Variants in TADA3 observed in about 807,000 individuals in gnomAD.
TADA3 encodes the protein transcriptional adapter 3.
A neutral mutation model predicts 43.2 loss-of-function variants in TADA3; 25 were observed. That is an observed-to-expected ratio of 0.58 (90% CI 0.42 to 0.81). TADA3 has a LOEUF of 0.81. Among genes scored for constraint, TADA3 ranks in the 30% least tolerant of loss-of-function variants. The pLI, the probability that TADA3 is intolerant of heterozygous loss-of-function variation, is 0.00. For missense variants in TADA3, 441 were observed against 567.8 expected, an observed-to-expected ratio of 0.78 and a Z score of 2.27; for synonymous variants, 235 against 225.5, an observed-to-expected ratio of 1.04 and a Z score of -0.38.
In TADA3 at chr3:9,780,245, T is replaced by C. The variant is rs951149206; in HGVS notation, c.*112A>G. ...GGAAGGGCCACGGCCCTCTAGAGAC[T>C]GCCGCCATTTGAGGGACAGCCACAG... On this transcript the variant is annotated 3_prime_UTR_variant, in exon 9 of 9. Coordinates refer to ENST00000301964, the MANE Select transcript of TADA3 (RefSeq NM_006354.5). 1.1e-5 allele frequency: 13 copies of C among 1,176,982 alleles called. No homozygotes were observed. Among genetic ancestry groups the C allele is most frequent in the Non-Finnish European group, 1.4e-5 (12 of 839,658 alleles). The allele number at this position is 1,176,982 out of a possible 1,614,324, so 72.9% of individuals were successfully genotyped here.
chr3:9,782,942 T>C (rs1575295248), intron 8 of TADA3, among the ~76,000 whole-genome samples: 2 of 152,326 alleles, frequency 1.3e-5, no homozygotes, highest in South Asian at 4.1e-4. Context: ...TTCCACAGTC[T>C]TCCTCAAGAT....
chr3:9,790,612 G>A (rs1308216779), intron 2 of TADA3, among the ~76,000 whole-genome samples: 1 of 152,170 alleles, frequency 6.6e-6, no homozygotes, highest in African/African-American at 2.4e-5. Context: ...CAAGGCTCAA[G>A]GCATCTTTAT....
intron 6 of TADA3, among the ~76,000 whole-genome samples, chr3:9,786,532 GGT>G (rs1430030281): frequency 1.3e-5 from 2 of 152,166 alleles, no homozygotes; most frequent in African/African-American, 4.8e-5. Flanking sequence ...TTTGAATCCT[GGT>G]GTGTGAGACC....
Position 9,789,788 on chromosome 3 carries a change from G to A in TADA3, c.383C>T (p.Pro128Leu). ...AGTGAATTCATATTCCTGGATCTTG[G>A]GCTGAAGGTTTTTGGATTTGGGCCG... The part of the protein sequence containing the change: ...PGRPKSKNLQ[P>L]KIQEYEFTDD... Residue 128 changes from proline (P) to leucine (L), a missense_variant, in exon 3 of 9, where the codon CCC (proline) becomes CTC (leucine). Transcript: ENST00000301964. 5 of 1,614,216 alleles carry A rather than the reference G, an allele frequency of 3.1e-6. No homozygotes were observed. Among genetic ancestry groups the A allele is most frequent in the Non-Finnish European group, 4.2e-6 (5 of 1,180,048 alleles).
Position 9,785,333 on chromosome 3 carries a change from A to G in TADA3, c.903T>C (p.Asn301=), listed in dbSNP as rs2078582051. ...CCACTCACCTGAAGGGCTTGTTCTG[A>G]TTGCGAGGGGAGGTGCTTGCCCCGT... ...GADGASTSPR[N]QNKPFSVPHT... The change falls in exon 7 of 9, where the codon AAT becomes AAC. Residue 301 remains asparagine, a synonymous_variant. Coordinates refer to ENST00000301964, the MANE Select transcript of TADA3 (RefSeq NM_006354.5). 2 of 1,613,922 alleles carry G rather than the reference A, an allele frequency of 1.2e-6. No homozygotes were observed. Among genetic ancestry groups the G allele is most frequent in the East Asian group, 4.5e-5 (2 of 44,884 alleles).
In TADA3 at chr3:9,792,419, G is replaced by GA; in HGVS notation, c.-232_-231insT. 9.6e-7 allele frequency: 1 copy of GA among 1,038,074 alleles called. No homozygotes were observed. The highest frequency in any genetic ancestry group is 1.2e-6 in the Non-Finnish European group (1 of 849,370). 64.3% of individuals were successfully genotyped at this position (1,038,074 alleles called of 1,614,324 possible). A position where few individuals can be genotyped will look rare whatever the true frequency, so the allele number is the denominator to read the frequency against. Reference sequence around the variant, plus strand: ...TCGCTGCGGCCTCCTACGGCCCCAGGGGCCGCGGGAGGGGGCGGGGAGTTC... The same window carrying GA: ...TCGCTGCGGCCTCCTACGGCCCCAGGAGGCCGCGGGAGGGGGCGGGGAGTTC... On this transcript the variant is annotated 5_prime_UTR_variant, in exon 1 of 9. Coordinates refer to ENST00000301964, the MANE Select transcript of TADA3 (RefSeq NM_006354.5).
chr3:9,780,285 T>A lies in TADA3; in HGVS notation c.*72A>T. ...GACAGCCACAGGCCAATGTTTCCTG[T>A]GCCCAAAGAAGGAAGTGGGCCTCCC... On this transcript the variant is annotated 3_prime_UTR_variant, in exon 9 of 9. Coordinates refer to ENST00000301964, the MANE Select transcript of TADA3 (RefSeq NM_006354.5). 6.7e-7 allele frequency: 1 copy of A among 1,487,546 alleles called. No individual in the cohort carries two copies. The highest frequency in any genetic ancestry group is 2.3e-5 in the East Asian group (1 of 43,992). 92.1% of individuals were successfully genotyped at this position (1,487,546 alleles called of 1,614,324 possible). A position where few individuals can be genotyped will look rare whatever the true frequency, so the allele number is the denominator to read the frequency against.
chr3:9,791,889 T>G (rs990563512), intron 1 of TADA3, among the ~76,000 whole-genome samples: 2 of 152,222 alleles, frequency 1.3e-5, no homozygotes, highest in African/African-American at 2.4e-5. Context: ...CCTTCCCTTC[T>G]ATTTCTCTTG....
chr3:9,782,410 G>A (rs2078497133), intron 8 of TADA3, among the ~76,000 whole-genome samples: 1 of 152,190 alleles, frequency 6.6e-6, no homozygotes, highest in African/African-American at 2.4e-5. Context: ...CTCCTGGGTT[G>A]TTGTCAAGAC....
At chr3:9,788,206 G>A (rs1173110659) in intron 4 of TADA3, 1 of 155,098 alleles carries the variant, frequency 6.4e-6, no homozygotes, top group Non-Finnish European at 1.4e-5. Context: ...TTCTTTAATG[G>A]AGCATGTTTT....
At chr3:9,792,982 GCT>G (rs2078779903), upstream of TADA3, 4 of 1,440,720 alleles carry the variant, frequency 2.8e-6, no homozygotes, top group South Asian at 1.4e-5. Context: ...GTTCGTAAGG[GCT>G]CTCTACCCCG....
At position 9,791,323 on chromosome 3, in the gene TADA3, C is replaced by T. The variant is rs2078727260; in HGVS notation, c.144G>A (p.Leu48=). The change falls in exon 2 of 9, where the codon CTG becomes CTA. Residue 48 remains leucine (L), a synonymous_variant. Coordinates refer to ENST00000301964, the MANE Select transcript of TADA3 (RefSeq NM_006354.5). ...IGIEELDTLQ[L]ELETLLSSAS... is the part of the protein sequence containing the mutation. ...CAGAAGACAGCAGGGTCTCCAGCTC[C>T]AGCTGCAGGGTGTCCAGCTCCTCGA... The T allele has an allele frequency of 3.1e-6, 5 of 1,614,122 alleles. No individual in the cohort carries two copies. Among genetic ancestry groups the T allele is most frequent in the Middle Eastern group, 3.4e-4 (2 of 5,956 alleles).
At chr3:9,781,119 G>A (rs1372124027) in intron 8 of TADA3, among the ~76,000 whole-genome samples, 1 of 151,716 alleles carries the variant, frequency 6.6e-6, no homozygotes, top group Non-Finnish European at 1.5e-5. Flanking sequence ...AACAGAGCGT[G>A]ACTGTGTCTT....
chr3:9,782,463 C>T (rs2078498934), intron 8 of TADA3, among the ~76,000 whole-genome samples: 1 of 152,212 alleles, frequency 6.6e-6, no homozygotes, highest in African/African-American at 2.4e-5. Context: ...ACAGTAGGCC[C>T]TCAGCATACA....
Position 9,785,437 on chromosome 3 carries a change from C to CA in TADA3, c.811-13dup, listed in dbSNP as rs774722473. 26 of 1,585,868 alleles carry CA rather than the reference C, an allele frequency of 1.6e-5. No individual in the cohort carries two copies. In the African/African-American group the frequency reaches 3.4e-4, roughly 21 times the overall value. On this transcript the variant is annotated splice_polypyrimidine_tract_variant and intron_variant, in intron 6 of 8. Coordinates refer to ENST00000301964, the MANE Select transcript of TADA3 (RefSeq NM_006354.5). ...GAAATAATATTTTCCTAGAAGACCA[C>CA]AAAAATGAGTGGAAGGAAAAATAGC...
intron 4 of TADA3, 90 bp from the exon 5 acceptor site, chr3:9,787,430 C>G (rs2125624234): frequency 6.7e-7 from 1 of 1,497,186 alleles, no homozygotes; most frequent in Non-Finnish European, 8.9e-7. Flanking sequence ...TTATATCTCT[C>G]TCAAGTCCCT....
At position 9,791,245 on chromosome 3, in the gene TADA3, C is replaced by A. The variant is rs1206421103; in HGVS notation, c.207+15G>T. ...CAGTCCATCTCTGGTGCTGGCCCCT[C>A]TCTGGGGTTATCACCTGGGTTTCGG... On this transcript the variant is annotated intron_variant, in intron 2 of 8. Transcript: ENST00000301964. 6.2e-7 allele frequency: 1 copy of A among 1,607,476 alleles called. No homozygotes were observed. Among genetic ancestry groups the A allele is most frequent in the East Asian group, 2.2e-5 (1 of 44,864 alleles).
rs1295840705 is a variant in TADA3, at chr3:9,787,069, T to A, written c.747A>T (p.Glu249Asp). 1 of 1,614,220 alleles carries A rather than the reference T, an allele frequency of 6.2e-7. No individual in the cohort carries two copies. The highest frequency in any genetic ancestry group is 2.2e-5 in the East Asian group (1 of 44,890). ...CAAAGGGGCATCCATCTTCCGGCTG[T>A]TCATGCTGGGCCTCAGACTTCTTCA... ...ALLKKSEAQH[E>D]QPEDGCPFGA... Residue 249 changes from glutamate (E) to aspartate (D), a missense_variant, in exon 6 of 9, where the codon GAA (glutamate) becomes GAT (aspartate). Glu to Asp is a conservative substitution (Grantham distance 45, BLOSUM62 2). Coordinates refer to ENST00000301964, the MANE Select transcript of TADA3 (RefSeq NM_006354.5).
At chr3:9,782,908 AT>A (rs1320234515) in intron 8 of TADA3, among the ~76,000 whole-genome samples, 1 of 152,114 alleles carries the variant, frequency 6.6e-6, no homozygotes, top group East Asian at 1.9e-4. Flanking sequence ...TTGCTTCCCT[AT>A]CTCTTTACCT....
Sources: gnomAD v4.1 joint callset for allele counts (sites outside exome capture counted in the v4.1 genomes callset) on GRCh38, gnomAD v4.1.1 for gene constraint, MANE v1.5 for transcripts, NCBI Gene and HGNC (gene_info 2026-07-23, HGNC 2026-07-21) for gene names.